Variants in PRDX3 observed in about 807,000 individuals in gnomAD.
PRDX3 encodes the protein thioredoxin-dependent peroxide reductase, mitochondrial.
Under a neutral mutation model 30.4 loss-of-function variants are expected in PRDX3, and 20 were observed. The observed-to-expected ratio is 0.66, with a 90% CI of 0.46 to 0.96. The LOEUF is 0.96. Ranked by LOEUF, PRDX3 falls within the 40% of genes least tolerant of loss-of-function variation. The probability of loss-of-function intolerance (pLI) is 0.00; values close to 1 mark genes in which losing one functional copy is unlikely to be tolerated. For missense variants in PRDX3, 322 were observed against 318.3 expected, an observed-to-expected ratio of 1.01 and a Z score of -0.09; for synonymous variants, 124 against 117.8, an observed-to-expected ratio of 1.05 and a Z score of -0.34.
intron 2 of PRDX3, 84 bp downstream of exon 2, chr10:119,176,937 G>C (rs1848042662): frequency 6.5e-7 from 1 of 1,550,040 alleles, no homozygotes; most frequent in African/African-American, 1.4e-5. Context: ...TCTAACGTTT[G>C]GCCAGGGTTC....
At position 119,177,064 on chromosome 10, in the gene PRDX3, A is replaced by AT. The variant is rs752943232; in HGVS notation, c.125dup (p.Asn42LysfsTer32). Reference sequence around the variant, plus strand: ...CTTGACTGGAACCAGAACACAATAAATTTGTCAAGCTCGTTCTTCCACATG... The same window carrying AT: ...CTTGACTGGAACCAGAACACAATAAATTTTGTCAAGCTCGTTCTTCCACATG... On this transcript the variant is annotated frameshift_variant, in exon 2 of 7. Transcript: ENST00000298510. LOFTEE classifies it high-confidence loss of function. 1.2e-6 allele frequency: 2 copies of AT among 1,614,080 alleles called. No individual in the cohort carries two copies. The highest frequency in any genetic ancestry group is 2.2e-5 in the South Asian group (2 of 91,078).
At position 119,168,905 on chromosome 10, in the gene PRDX3, G is replaced by A. The variant is rs34746598; in HGVS notation, c.717+272C>T. Among the ~76,000 whole-genome samples the A allele has an allele frequency of 7.4e-3, 1,122 of 150,954 alleles. 27 individuals carry two copies. Among genetic ancestry groups the A allele is most frequent in the African/African-American group, 0.026 (1,067 of 41,026 alleles). On this transcript the variant is annotated intron_variant, in intron 6 of 6. Coordinates refer to ENST00000298510, the MANE Select transcript of PRDX3 (RefSeq NM_006793.5). ...GGACAATGGCGTGAACCCAGGAGGC[G>A]GAGCTTGCAGTGAGCTGAGAGAGCG... is the stretch of plus-strand genomic sequence containing the variant.
chr10:119,178,723 T>C, intron 1 of PRDX3, 32 bp downstream of exon 1: 2 of 1,550,768 alleles, frequency 1.3e-6, no homozygotes, highest in Non-Finnish European at 8.7e-7. Context: ...CACCAGTGTC[T>C]CCACGCCTGT....
intron 1 of PRDX3, among the ~76,000 whole-genome samples, chr10:119,178,317 G>A (rs1848092245): frequency 6.6e-6 from 1 of 152,228 alleles, no homozygotes; most frequent in Admixed American, 6.5e-5. Context: ...GGATTGGGAG[G>A]GAAAGCCTTT....
At chr10:119,171,677 CTATT>C (rs1325776178) in intron 5 of PRDX3, among the ~76,000 whole-genome samples, 3 of 152,218 alleles carry the variant, frequency 2.0e-5, no homozygotes, top group Non-Finnish European at 4.4e-5. Context: ...AGCTGTGTCA[CTATT>C]TAATCCTCAC....
intron 5 of PRDX3, chr10:119,170,000 T>G (rs1375435447): frequency 6.6e-6 from 1 of 152,290 alleles, no homozygotes; most frequent in Non-Finnish European, 1.5e-5. Context: ...GGTTGTTTGG[T>G]TTAAATATAG....
At chr10:119,177,249 C>G in intron 1 of PRDX3, 96 bp from the exon 2 acceptor site, 1 of 1,311,070 alleles carries the variant, frequency 7.6e-7, no homozygotes, top group Middle Eastern at 2.6e-4. Context: ...TGTCCCTGTT[C>G]CTGTGAACCA....
chr10:119,168,684 TG>T (rs1243257623), intron 6 of PRDX3, 151 bp from the exon 7 acceptor site: 5 of 1,439,870 alleles, frequency 3.5e-6, no homozygotes, highest in Non-Finnish European at 4.5e-6. Flanking sequence ...CATTAAGGCC[TG>T]CCTGTCTCTA....
intron 2 of PRDX3, among the ~76,000 whole-genome samples, chr10:119,176,128 GA>G (rs1445932617): frequency 6.6e-6 from 1 of 152,226 alleles, no homozygotes; most frequent in East Asian, 1.9e-4. Context: ...GTATGGGGCA[GA>G]AAGAACAGAA....
intron 1 of PRDX3, among the ~76,000 whole-genome samples, chr10:119,178,545 G>A (rs1014933091): frequency 6.6e-6 from 1 of 152,232 alleles, no homozygotes; most frequent in Non-Finnish European, 1.5e-5. Context: ...AGGGACTCGG[G>A]GAAGAGACCG....
At chr10:119,174,858 A>C in intron 2 of PRDX3, 1 of 343,908 alleles carries the variant, frequency 2.9e-6, no homozygotes, top group Non-Finnish European at 5.2e-6. Flanking sequence ...AGTATACTTA[A>C]ATCATCTCTA....
intron 2 of PRDX3, among the ~76,000 whole-genome samples, chr10:119,176,709 T>C (rs1348367943): frequency 6.6e-6 from 1 of 152,074 alleles, no homozygotes; most frequent in African/African-American, 2.4e-5. Flanking sequence ...CACACTAGAC[T>C]CAGAAGGCAT....
intron 5 of PRDX3, 46 bp downstream of exon 5, chr10:119,172,336 C>T (rs776101880): frequency 2.0e-6 from 3 of 1,475,238 alleles, no homozygotes; most frequent in African/African-American, 2.8e-5. Context: ...CAGAATGATA[C>T]TAAACATGAA....
At chr10:119,174,689 G>C in intron 2 of PRDX3, 97 bp from the exon 3 acceptor site, 1 of 1,230,858 alleles carries the variant, frequency 8.1e-7, no homozygotes, top group Non-Finnish European at 1.1e-6. Context: ...GTAGTATAAA[G>C]TGCTTAGTAT....
At chr10:119,178,620 TG>T in intron 1 of PRDX3, 134 bp downstream of exon 1, 1 of 1,121,354 alleles carries the variant, frequency 8.9e-7, no homozygotes, top group Non-Finnish European at 1.3e-6. Context: ...GGGAGGCCTC[TG>T]GGTCCGTTAC....
At chr10:119,173,231 C>A (rs1847950765) in intron 4 of PRDX3, among the ~76,000 whole-genome samples, 1 of 152,206 alleles carries the variant, frequency 6.6e-6, no homozygotes, top group Non-Finnish European at 1.5e-5. Flanking sequence ...AGCCATCACG[C>A]CCGGCTGCTT....
At chr10:119,174,694 T>C (rs906917909) in intron 2 of PRDX3, 102 bp from the exon 3 acceptor site, 8 of 1,188,532 alleles carry the variant, frequency 6.7e-6, no homozygotes, top group Non-Finnish European at 8.0e-6. Flanking sequence ...ATAAAGTGCT[T>C]AGTATAAATC....
At chr10:119,174,958 G>A (rs1044213741) in intron 2 of PRDX3, among the ~76,000 whole-genome samples, 1 of 152,026 alleles carries the variant, frequency 6.6e-6, no homozygotes, top group African/African-American at 2.4e-5. Flanking sequence ...AAAAGACTTT[G>A]TGTTCAGTAT....
At chr10:119,177,881 CTTTTTT>C (rs141498625) in intron 1 of PRDX3, among the ~76,000 whole-genome samples, 142 of 134,730 alleles carry the variant, frequency 1.1e-3, no homozygotes, top group African/African-American at 3.7e-3. Context: ...GTTTACTCAA[CTTTTTT>C]TTTTTTTTTT....
Sources: allele counts gnomAD v4.1 joint callset (sites outside exome capture counted in the v4.1 genomes callset), GRCh38; gene constraint gnomAD v4.1.1; transcripts MANE v1.5; gene names NCBI Gene and HGNC (gene_info 2026-07-23, HGNC 2026-07-21).